Variants in ZZEF1 observed in about 807,000 individuals in gnomAD.
ZZEF1 encodes zinc finger ZZ-type and EF-hand domain-containing protein 1.
A neutral mutation model predicts 342.8 loss-of-function variants in ZZEF1; 157 were observed. The ratio of observed to expected loss-of-function variants is 0.46; its 90% CI spans 0.40 to 0.52. The LOEUF is 0.52. Among genes scored for constraint, ZZEF1 ranks in the 20% least tolerant of loss-of-function variants. The pLI, the probability that ZZEF1 is intolerant of heterozygous loss-of-function variation, is 0.00. For missense variants in ZZEF1, 3,480 were observed against 3,725.6 expected, an observed-to-expected ratio of 0.93 and a Z score of 1.72; for synonymous variants, 1,505 against 1,429.1, an observed-to-expected ratio of 1.05 and a Z score of -1.20.
intron 1 of ZZEF1, among the ~76,000 whole-genome samples, chr17:4,126,795 G>A (rs144332557): frequency 4.6e-5 from 7 of 152,170 alleles, no homozygotes; most frequent in South Asian, 2.1e-4. Flanking sequence ...GCAAAACTCC[G>A]TATCTACTAA....
At chr17:4,037,489 G>A (rs534830389) in intron 39 of ZZEF1, among the ~76,000 whole-genome samples, 1 of 152,346 alleles carries the variant, frequency 6.6e-6, no homozygotes, top group East Asian at 1.9e-4. Context: ...ATCTTCAAAA[G>A]CTCATGATCA....
rs572742947 is a variant in ZZEF1 at position 4,081,423 on chromosome 17, C to T, written c.2782G>A (p.Glu928Lys). The change falls in exon 18 of 55, where the codon GAA becomes AAA. Residue 928 changes from glutamate (E) to lysine (K), a missense_variant. By Grantham distance (56) the Glu-to-Lys change is moderately conservative. Around this residue, in one of 5 missense-constraint regions of ZZEF1, gnomAD observed 1,528 missense variants for 1,624.1 expected, o/e 0.94. Transcript: ENST00000381638. ...KNDLAKMNISEVLAVMDTLVS... is the reference protein window; with the variant it reads ...KNDLAKMNISKVLAVMDTLVS... ...AGAGTGTCCATGACCGCCAGGACTT[C>T]ACTGATGTTCATCTTGGCCAGGTCG... 4 of 1,614,072 alleles carry T rather than the reference C, an allele frequency of 2.5e-6. No individual in the cohort carries two copies. The South Asian group carries it at 3.3e-5, about 13-fold the overall frequency.
chr17:4,077,835 C>CA (rs1364594117), intron 19 of ZZEF1, 48 bp downstream of exon 19: 2 of 1,598,084 alleles, frequency 1.3e-6, no homozygotes, highest in South Asian at 2.2e-5. Context: ...CACTCAGAGT[C>CA]AAAACCCAAA....
At chr17:4,024,342 C>T (rs1381345026) in intron 43 of ZZEF1, among the ~76,000 whole-genome samples, 3 of 151,922 alleles carry the variant, frequency 2.0e-5, no homozygotes, top group Middle Eastern at 3.2e-3. Flanking sequence ...GGATTACAGG[C>T]ACGTACCACC....
At chr17:4,059,554 A>G (rs62072435) in intron 30 of ZZEF1, among the ~76,000 whole-genome samples, 24,255 of 152,126 alleles carry the variant, frequency 0.16, 2,148 homozygotes, top group African/African-American at 0.24. Context: ...CATCCCTCCC[A>G]CCACTACTTG....
intron 39 of ZZEF1, among the ~76,000 whole-genome samples, chr17:4,038,976 G>A (rs2056738003): frequency 6.6e-6 from 1 of 151,974 alleles, no homozygotes; most frequent in African/African-American, 2.4e-5. Flanking sequence ...ATTCCTTATA[G>A]GACTCTATCT....
intron 1 of ZZEF1, among the ~76,000 whole-genome samples, chr17:4,141,643 C>T (rs950438671): frequency 3.3e-5 from 5 of 151,580 alleles, no homozygotes; most frequent in African/African-American, 1.2e-4. Flanking sequence ...CCATGGCACA[C>T]GTTTACCTAT....
chr17:4,067,230 C>T lies in ZZEF1; in HGVS notation c.4088G>A (p.Gly1363Asp), dbSNP rs1355612360. 8 of 1,612,886 alleles carry T rather than the reference C, an allele frequency of 5.0e-6. No homozygotes were observed. The highest frequency in any genetic ancestry group is 6.8e-6 in the Non-Finnish European group (8 of 1,179,498). The change falls in exon 27 of 55, where the codon GGC (glycine) becomes GAC (aspartate). Residue 1363 changes from glycine (G) to aspartate (D), a missense_variant. Physicochemically the swap from Gly to Asp is moderately conservative, Grantham distance 94. This residue lies in a region of ZZEF1 where 1,528 missense variants were observed against 1,624.1 expected (regional missense o/e 0.94). Coordinates refer to ENST00000381638, the MANE Select transcript of ZZEF1 (RefSeq NM_015113.4). ...AAACTCTTCACTCAGGGCTATTTTGCCCCCACTGTTGACTGGGGAGAGAAG... is the reference window on the plus strand; with the variant it reads ...AAACTCTTCACTCAGGGCTATTTTGTCCCCACTGTTGACTGGGGAGAGAAG... ...EKLQKYVNSG[G>D]KIALSEEFAQ...
intron 1 of ZZEF1, among the ~76,000 whole-genome samples, chr17:4,132,514 CGGTG>C (rs2058676973): frequency 3.4e-4 from 51 of 152,062 alleles, no homozygotes; most frequent in African/African-American, 9.4e-4. Context: ...CTGGCTAACA[CGGTG>C]AAACCCCGTC....
intron 1 of ZZEF1, among the ~76,000 whole-genome samples, chr17:4,134,798 C>T (rs1166716049): frequency 1.3e-5 from 2 of 151,948 alleles, no homozygotes; most frequent in Admixed American, 6.6e-5. Context: ...ATGAGAAGTC[C>T]GAGACAGGGA....
At chr17:4,116,653 T>C (rs936379172) in intron 3 of ZZEF1, among the ~76,000 whole-genome samples, 2 of 152,160 alleles carry the variant, frequency 1.3e-5, no homozygotes, top group African/African-American at 2.4e-5. Context: ...ATGCTACAAC[T>C]TCAGATAACA....
At chr17:4,031,368 A>G (rs1039380637) in intron 42 of ZZEF1, among the ~76,000 whole-genome samples, 2 of 151,760 alleles carry the variant, frequency 1.3e-5, no homozygotes, top group African/African-American at 4.8e-5. Flanking sequence ...AATAGTAAAA[A>G]AAGTGTAGTA....
At chr17:4,103,152 C>A (rs1489328975) in intron 8 of ZZEF1, among the ~76,000 whole-genome samples, 1 of 152,040 alleles carries the variant, frequency 6.6e-6, no homozygotes, top group East Asian at 1.9e-4. Flanking sequence ...CAACCCCCAA[C>A]CACCCAAGAA....
At chr17:4,093,797 AT>A (rs35886006) in intron 11 of ZZEF1, among the ~76,000 whole-genome samples, 1 of 151,482 alleles carries the variant, frequency 6.6e-6, no homozygotes, top group Admixed American at 6.6e-5. Context: ...CTCCTTGAGT[AT>A]TTTTTTTTCT....
intron 16 of ZZEF1, among the ~76,000 whole-genome samples, chr17:4,083,283 T>C (rs576514306): frequency 6.6e-6 from 1 of 152,338 alleles, no homozygotes; most frequent in Admixed American, 6.5e-5. Context: ...ACTTTCTGTG[T>C]AGGACACATG....
At position 4,077,933 on chromosome 17, in the gene ZZEF1, T is replaced by C; in HGVS notation, c.2939A>G (p.Lys980Arg). ...SLLSWCYLQL[K>R]STDSGAKDLA... Reference sequence around the variant, plus strand: ...ATCTTTGGCTCCAGAGTCCGTGCTCTTCAGCTGCAGGTAGCACCAGGATAG... The same window carrying C: ...ATCTTTGGCTCCAGAGTCCGTGCTCCTCAGCTGCAGGTAGCACCAGGATAG... The change falls in exon 19 of 55, where the codon AAG (lysine) becomes AGG (arginine). Residue 980 changes from lysine (K) to arginine (R), a missense_variant. Lys to Arg is a conservative substitution (Grantham distance 26). Transcript: ENST00000381638. 6.2e-7 allele frequency: 1 copy of C among 1,614,174 alleles called. No individual in the cohort carries two copies. The highest frequency in any genetic ancestry group is 1.3e-5 in the African/African-American group (1 of 75,062).
intron 1 of ZZEF1, among the ~76,000 whole-genome samples, chr17:4,126,599 T>C (rs1029044445): frequency 2.0e-5 from 3 of 152,120 alleles, no homozygotes; most frequent in South Asian, 2.1e-4. Context: ...CAAAAAGACT[T>C]AGGGGCTGGT....
Position 4,082,429 on chromosome 17 carries a change from C to T in ZZEF1, c.2714+8G>A, listed in dbSNP as rs1171547552. On this transcript the variant is annotated splice_region_variant and intron_variant, in intron 17 of 54. Transcript: ENST00000381638. ...TTATCCGACAATTAAAAAGAACGATCAGCTTACCTAAAATACGTGCACAGT... is the reference window on the plus strand; with the variant it reads ...TTATCCGACAATTAAAAAGAACGATTAGCTTACCTAAAATACGTGCACAGT... The T allele has an allele frequency of 2.5e-6, 4 of 1,613,804 alleles. No individual in the cohort carries two copies. Among genetic ancestry groups the T allele is most frequent in the Non-Finnish European group, 3.4e-6 (4 of 1,179,760 alleles).
At chr17:4,112,094 GTTT>G (rs1425949625) in intron 5 of ZZEF1, among the ~76,000 whole-genome samples, 2 of 35,432 alleles carry the variant, frequency 5.6e-5, no homozygotes, top group Non-Finnish European at 1.1e-4. Flanking sequence ...ATATATATAT[GTTT>G]TGTTTTGTTT....
Sources: gnomAD v4.1 joint callset for allele counts (sites outside exome capture counted in the v4.1 genomes callset) on GRCh38, gnomAD v4.1.1 for gene constraint, gnomAD v4.1.1 regional missense constraint, MANE v1.5 for transcripts, NCBI Gene and HGNC (gene_info 2026-07-23, HGNC 2026-07-21) for gene names.